Variants in ZDHHC14 observed in about 807,000 individuals in gnomAD.
ZDHHC14 encodes palmitoyltransferase ZDHHC14.
Under a neutral mutation model 47.7 loss-of-function variants are expected in ZDHHC14, and 16 were observed. The ratio of observed to expected loss-of-function variants is 0.34; its 90% confidence interval spans 0.23 to 0.51. ZDHHC14 has a LOEUF of 0.51. Among genes scored for constraint, ZDHHC14 ranks in the 20% least tolerant of loss-of-function variants. The probability of loss-of-function intolerance (pLI) is 0.97; values close to 1 mark genes in which losing one functional copy is unlikely to be tolerated. For missense variants in ZDHHC14, 515 were observed against 662.5 expected (o/e 0.78, Z 2.44); for synonymous variants, 293 against 278.9 (o/e 1.05, Z -0.50).
intron 7 of ZDHHC14, among the ~76,000 whole-genome samples, chr6:157,651,321 C>T (rs2114989460): frequency 6.6e-6 from 1 of 152,332 alleles, no homozygotes; most frequent in East Asian, 1.9e-4. Context: ...CGCAGGGTAG[C>T]CTCTGTCGGC....
intron 4 of ZDHHC14, chr6:157,632,557 T>A (rs976732050): frequency 1.0e-5 from 5 of 487,014 alleles, no homozygotes; most frequent in African/African-American, 9.6e-5. Context: ...AAAGGAGTCA[T>A]CAGAACTATA....
chr6:157,571,751 G>C (rs1217216784), intron 2 of ZDHHC14, among the ~76,000 whole-genome samples: 4 of 148,876 alleles, frequency 2.7e-5, no homozygotes, highest in Non-Finnish European at 5.9e-5. Context: ...CTGCAGATAA[G>C]AATCTTCAGG....
At chr6:157,639,033 G>A (rs774157869) in intron 5 of ZDHHC14, among the ~76,000 whole-genome samples, 1 of 152,270 alleles carries the variant, frequency 6.6e-6, no homozygotes, top group Non-Finnish European at 1.5e-5. Context: ...ACATTGGGCA[G>A]GGTGCCCGCT....
chr6:157,574,742 C>T (rs1425540535), intron 2 of ZDHHC14, among the ~76,000 whole-genome samples: 1 of 152,242 alleles, frequency 6.6e-6, no homozygotes, highest in Non-Finnish European at 1.5e-5. Flanking sequence ...ATGGCCACCA[C>T]CCTATTTCAA....
chr6:157,667,647 T>C (rs1034959921), intron 8 of ZDHHC14, among the ~76,000 whole-genome samples: 5 of 151,246 alleles, frequency 3.3e-5, no homozygotes, highest in Non-Finnish European at 7.4e-5. Context: ...TGTAAGAATA[T>C]TTGTCATGGC....
At chr6:157,470,894 T>C (rs1189596644) in intron 1 of ZDHHC14, among the ~76,000 whole-genome samples, 2 of 152,134 alleles carry the variant, frequency 1.3e-5, no homozygotes, top group African/African-American at 4.8e-5. Context: ...CACACACATG[T>C]TATGGTGGCT....
In ZDHHC14 at chr6:157,464,143, C is replaced by T. The variant is rs139058748; in HGVS notation, c.246-78442C>T. Among the ~76,000 whole-genome samples, 465 of 152,276 alleles carry T rather than the reference C, an allele frequency of 3.1e-3. 2 individuals are homozygous for T. Among genetic ancestry groups the T allele is most frequent in the African/African-American group, 0.011 (456 of 41,570 alleles). On this transcript the variant is annotated intron_variant, in intron 1 of 8. Coordinates refer to ENST00000359775, the MANE Select transcript of ZDHHC14 (RefSeq NM_024630.3). ...TTCAGTCCATGTTTAAGTATTTAAT[C>T]GTGACAACTACATGTATATGTTGAA...
At chr6:157,672,137 C>T (rs1293547434) in intron 8 of ZDHHC14, among the ~76,000 whole-genome samples, 1 of 152,158 alleles carries the variant, frequency 6.6e-6, no homozygotes, top group Non-Finnish European at 1.5e-5. Context: ...GCATGCTTTC[C>T]TCAAGGTCCA....
At chr6:157,382,957 A>G (rs923684650) in intron 1 of ZDHHC14, among the ~76,000 whole-genome samples, 1 of 152,252 alleles carries the variant, frequency 6.6e-6, no homozygotes. Context: ...AACATGTGAA[A>G]GGAGACCTTA....
chr6:157,632,939 CCTT>C (rs1328575911), intron 5 of ZDHHC14, 57 bp downstream of exon 5: 3 of 1,575,218 alleles, frequency 1.9e-6, no homozygotes, highest in East Asian at 2.2e-5. Flanking sequence ...ATCTGGCTGA[CCTT>C]CTGTGCGCAC....
intron 1 of ZDHHC14, among the ~76,000 whole-genome samples, chr6:157,534,409 G>A (rs970237261): frequency 2.6e-5 from 4 of 152,092 alleles, no homozygotes; most frequent in African/African-American, 9.7e-5. Flanking sequence ...GGAAATCTGG[G>A]GCATGTGGTT....
chr6:157,526,733 A>T (rs1345849267), intron 1 of ZDHHC14, among the ~76,000 whole-genome samples: 1 of 152,168 alleles, frequency 6.6e-6, no homozygotes, highest in South Asian at 2.1e-4. Flanking sequence ...GCTCCTGCCT[A>T]CTTCAGCGAC....
At chr6:157,667,067 C>T (rs1490013994) in intron 8 of ZDHHC14, among the ~76,000 whole-genome samples, 2 of 152,172 alleles carry the variant, frequency 1.3e-5, no homozygotes, top group Non-Finnish European at 2.9e-5. Flanking sequence ...ATCCAGCATT[C>T]GGCCAATTTT....
At chr6:157,459,498 T>C (rs1157205557) in intron 1 of ZDHHC14, among the ~76,000 whole-genome samples, 1 of 152,172 alleles carries the variant, frequency 6.6e-6, no homozygotes, top group African/African-American at 2.4e-5. Flanking sequence ...CAGTGGAGTG[T>C]GAACAAGCTT....
Position 157,586,333 on chromosome 6 carries a change from A to G in ZDHHC14, c.407-6655A>G, listed in dbSNP as rs528018337. ...CAAGAGAAGCTGGAACTGGCCCTCA[A>G]AGGATAGGATTATCTGCGCAGACAG... On this transcript the variant is annotated intron_variant, in intron 2 of 8. Transcript: ENST00000359775. This position sits in a 1 kb window ranked among gnomAD's most constrained non-coding sequence, Gnocchi z 4.6. Among the ~76,000 whole-genome samples the G allele has an allele frequency of 6.6e-6, 1 of 152,220 alleles. No individual in the cohort carries two copies. The highest frequency in any genetic ancestry group is 1.5e-5 in the Non-Finnish European group (1 of 68,036).
chr6:157,499,943 G>T (rs535842745), intron 1 of ZDHHC14, among the ~76,000 whole-genome samples: 2 of 152,186 alleles, frequency 1.3e-5, no homozygotes, highest in Non-Finnish European at 2.9e-5. Flanking sequence ...CAAAATCCCT[G>T]CCTTCAAGGG....
At chr6:157,434,799 G>A (rs896861335) in intron 1 of ZDHHC14, among the ~76,000 whole-genome samples, 3 of 152,116 alleles carry the variant, frequency 2.0e-5, no homozygotes, top group African/African-American at 7.2e-5. Flanking sequence ...GACTGTCTGT[G>A]GAGCTATTTG....
At chr6:157,662,237 G>A (rs374368664) in intron 8 of ZDHHC14, among the ~76,000 whole-genome samples, 31 of 151,760 alleles carry the variant, frequency 2.0e-4, no homozygotes, top group Non-Finnish European at 3.5e-4. Flanking sequence ...GCTGTAGTGC[G>A]GTAGCACGAT....
At chr6:157,405,156 A>T (rs548216332) in intron 1 of ZDHHC14, among the ~76,000 whole-genome samples, 9 of 152,362 alleles carry the variant, frequency 5.9e-5, no homozygotes, top group Admixed American at 4.6e-4. Flanking sequence ...GTCTAAATTC[A>T]GAAATGTGAA....
Sources: gnomAD v4.1 joint callset for allele counts (sites outside exome capture counted in the v4.1 genomes callset) on GRCh38, gnomAD v4.1.1 for gene constraint, Gnocchi (gnomAD v3.1) non-coding constraint, MANE v1.5 for transcripts, NCBI Gene and HGNC (gene_info 2026-07-23, HGNC 2026-07-21) for gene names.